The following SRGAP2 variants were observed in gnomAD, a reference collection of about 807,000 sequenced individuals.
SRGAP2 encodes the protein SLIT-ROBO Rho GTPase-activating protein 2.
SRGAP2 carries 15 observed loss-of-function variants against 57.2 expected under a neutral mutation model. The observed-to-expected ratio is 0.26, with a 90% confidence interval of 0.18 to 0.40. The LOEUF (loss-of-function observed/expected upper bound fraction) is 0.40. SRGAP2 is among the 10% of genes least tolerant of loss of function. The pLI is 1.00. For missense variants in SRGAP2, 520 were observed against 669.6 expected (o/e 0.78, Z 2.47); for synonymous variants, 249 against 248.0 (o/e 1.00, Z -0.04).
intron 16 of SRGAP2, 45 bp from the exon 17 acceptor site, chr1:206,439,931 A>G: frequency 1.3e-6 from 1 of 772,926 alleles, no homozygotes; most frequent in Non-Finnish European, 2.4e-6. Flanking sequence ...ACTGCCTGGG[A>G]TCCCAGTCAT....
intron 18 of SRGAP2, among the ~76,000 whole-genome samples, chr1:206,446,638 G>A (rs528139463): frequency 3.9e-5 from 6 of 152,278 alleles, no homozygotes; most frequent in African/African-American, 1.2e-4. Flanking sequence ...TGTCTCTTGG[G>A]CTTCTACTCT....
chr1:206,381,459 A>G (rs1453075938), intron 4 of SRGAP2, among the ~76,000 whole-genome samples: 2 of 78,568 alleles, frequency 2.5e-5, no homozygotes, highest in African/African-American at 5.3e-5. Flanking sequence ...GCCTCACTTC[A>G]CCTCCTTGGG....
intron 5 of SRGAP2, among the ~76,000 whole-genome samples, chr1:206,389,464 G>A (rs71256373): frequency 2.6e-5 from 4 of 152,056 alleles, no homozygotes; most frequent in South Asian, 2.1e-4. Context: ...GGCATGAGCC[G>A]CCATGCCCGG....
intron 14 of SRGAP2, among the ~76,000 whole-genome samples, chr1:206,434,310 C>T (rs551922049): frequency 6.6e-6 from 1 of 152,192 alleles, no homozygotes; most frequent in Non-Finnish European, 1.5e-5. Context: ...AAAAACAAAC[C>T]GCCATTTTCA....
chr1:206,374,147 C>A (rs1456576019), intron 4 of SRGAP2, among the ~76,000 whole-genome samples: 1 of 150,506 alleles, frequency 6.6e-6, no homozygotes, highest in Non-Finnish European at 1.5e-5. Flanking sequence ...GCCTCAGCCT[C>A]CCGAATAGCT....
At chr1:206,386,795 T>A in intron 5 of SRGAP2, among the ~76,000 whole-genome samples, 6 of 130,708 alleles carry the variant, frequency 4.6e-5, no homozygotes, top group African/African-American at 5.8e-5. Flanking sequence ...CGAGACTGTC[T>A]CAAAAAAAAA....
intron 13 of SRGAP2, among the ~76,000 whole-genome samples, chr1:206,423,769 C>T (rs1246267766): frequency 2.0e-5 from 3 of 146,538 alleles, no homozygotes; most frequent in African/African-American, 7.5e-5. Flanking sequence ...TTTCTGGCCA[C>T]CTTTCTGATT....
chr1:206,421,491 T>C (rs1223102028), intron 13 of SRGAP2, among the ~76,000 whole-genome samples: 2 of 152,248 alleles, frequency 1.3e-5, no homozygotes, highest in Non-Finnish European at 1.5e-5. Context: ...CTCTCCTTTC[T>C]AGTCATTTAT....
chr1:206,268,275 C>T (rs1372120397), intron 2 of SRGAP2, among the ~76,000 whole-genome samples: 1 of 134,024 alleles, frequency 7.5e-6, no homozygotes, highest in East Asian at 2.2e-4. Context: ...GTGATGTTCC[C>T]CATCCTGTGT....
intron 13 of SRGAP2, among the ~76,000 whole-genome samples, chr1:206,425,951 A>G (rs1440123480): frequency 6.8e-6 from 1 of 147,890 alleles, no homozygotes; most frequent in Non-Finnish European, 1.5e-5. Context: ...GATTGAAGCA[A>G]TTCTCCTGCC....
At chr1:206,423,430 G>A (rs541705536) in intron 13 of SRGAP2, among the ~76,000 whole-genome samples, 5 of 152,152 alleles carry the variant, frequency 3.3e-5, no homozygotes, top group South Asian at 2.1e-4. Context: ...CTCAGTGATC[G>A]ACTAGACATT....
intron 10 of SRGAP2, among the ~76,000 whole-genome samples, chr1:206,415,416 C>T (rs1275827716): frequency 6.6e-6 from 1 of 152,224 alleles, no homozygotes; most frequent in Non-Finnish European, 1.5e-5. Flanking sequence ...AGATGCTCCA[C>T]ATCCTGGGCT....
intron 18 of SRGAP2, 122 bp downstream of exon 18, chr1:206,446,421 C>A (rs565772020): frequency 5.8e-6 from 4 of 685,644 alleles, no homozygotes; most frequent in Non-Finnish European, 8.0e-6. Context: ...CACTCCCAGG[C>A]TGCTAGGGTC....
chr1:206,247,787 TC>T (rs1668587395), intron 2 of SRGAP2, among the ~76,000 whole-genome samples: 1 of 128,692 alleles, frequency 7.8e-6, no homozygotes, highest in African/African-American at 3.0e-5. Context: ...TCCTCCTTTT[TC>T]TATTTTGGTA....
At chr1:206,398,971 A>G (rs1354056540) in intron 7 of SRGAP2, among the ~76,000 whole-genome samples, 3 of 152,090 alleles carry the variant, frequency 2.0e-5, no homozygotes, top group East Asian at 3.9e-4. Context: ...TTGGAGCTAT[A>G]TTAGTATTTT....
chr1:206,430,131 T>C, intron 13 of SRGAP2, 31 bp from the exon 14 acceptor site: 1 of 780,614 alleles, frequency 1.3e-6, no homozygotes, highest in East Asian at 2.4e-5. Flanking sequence ...GTTTGAATAT[T>C]CTAATGTTGT....
intron 3 of SRGAP2, among the ~76,000 whole-genome samples, chr1:206,340,979 G>A (rs1162999264): frequency 2.0e-5 from 3 of 152,280 alleles, no homozygotes; most frequent in African/African-American, 7.2e-5. Context: ...GAAGAGTGAT[G>A]CCTGGGGCAG....
intron 13 of SRGAP2, among the ~76,000 whole-genome samples, chr1:206,425,214 A>G (rs1553365897): frequency 6.6e-6 from 1 of 152,254 alleles, no homozygotes; most frequent in Admixed American, 6.5e-5. Flanking sequence ...TAACTTCATT[A>G]TCACTGCTGC....
At chr1:206,253,645 G>T (rs1239163756) in intron 2 of SRGAP2, among the ~76,000 whole-genome samples, 2 of 129,604 alleles carry the variant, frequency 1.5e-5, no homozygotes, top group African/African-American at 5.9e-5. Context: ...GCTAGATCTC[G>T]GCTCGCTGCA....
Sources: gnomAD v4.1 joint callset for allele counts (sites outside exome capture counted in the v4.1 genomes callset) on GRCh38, gnomAD v4.1.1 for gene constraint, MANE v1.5 for transcripts, NCBI Gene and HGNC (gene_info 2026-07-23, HGNC 2026-07-21) for gene names.